The following FREM1 variants were observed in gnomAD, a reference collection of about 807,000 sequenced individuals.
FREM1 encodes the protein FRAS1-related extracellular matrix protein 1.
FREM1 carries 220 observed loss-of-function variants against 210.1 expected under a neutral mutation model. The observed-to-expected ratio is 1.05, with a 90% CI of 0.94 to 1.17. The LOEUF is 1.17. Ranked by LOEUF, FREM1 falls within the 50% of genes most tolerant of loss-of-function variation. The pLI, the probability that FREM1 is intolerant of heterozygous loss-of-function variation, is 0.00. For missense variants in FREM1, 3,454 were observed against 2,675.5 expected (o/e 1.29, Z -6.42); for synonymous variants, 1,189 against 980.2 (o/e 1.21, Z -3.98).
At chr9:14,860,833 ACG>A (rs1564102256) in intron 3 of FREM1, among the ~76,000 whole-genome samples, 7 of 125,142 alleles carry the variant, frequency 5.6e-5, no homozygotes, top group East Asian at 2.7e-4. Context: ...ATACATATAT[ACG>A]TATATATACA....
At chr9:14,746,795 T>G in intron 34 of FREM1, 128 bp downstream of exon 34, 2 of 1,188,900 alleles carry the variant, frequency 1.7e-6, no homozygotes, top group South Asian at 1.7e-5. Flanking sequence ...CCTCTTGGCC[T>G]TCAAGTTGTT....
chr9:14,790,990 ACAAT>A (rs1461262731), intron 22 of FREM1: 10 of 152,242 alleles, frequency 6.6e-5, no homozygotes, highest in African/African-American at 2.4e-4. Flanking sequence ...ACAATCTATG[ACAAT>A]CAAGCTGTTC....
rs917499206 is a variant in FREM1 at position 14,804,746 on chromosome 9, C to T, written c.3471+210G>A. 3.9e-5 allele frequency among the ~76,000 whole-genome samples: 6 copies of T among 152,142 alleles called. No homozygotes were observed. The East Asian group carries it at 1.2e-3, about 29-fold the overall frequency. On this transcript the variant is annotated intron_variant, in intron 19 of 36. Transcript: ENST00000380880. Reference sequence around the variant, plus strand: ...AGATTTTTTTTCTCTCTCATAATTACTGAAGGGCTCTCCAGAGAAATCCAT... The same window carrying T: ...AGATTTTTTTTCTCTCTCATAATTATTGAAGGGCTCTCCAGAGAAATCCAT...
At chr9:14,898,716 T>C (rs1838223264) in intron 1 of FREM1, among the ~76,000 whole-genome samples, 3 of 152,182 alleles carry the variant, frequency 2.0e-5, no homozygotes, top group Admixed American at 2.0e-4. Flanking sequence ...CATTCCAGCC[T>C]GGGCGACAGA....
At position 14,789,130 on chromosome 9, in the gene FREM1, G is replaced by C. The variant is rs1850881984; in HGVS notation, c.3982-16C>G. ...CCCTCCCTATCTGGAAGGAGCCAGA[G>C]TTAGTCAGCTGCTCATGGTTTTTTC... On this transcript the variant is annotated splice_polypyrimidine_tract_variant and intron_variant, in intron 22 of 36. Transcript: ENST00000380880. The C allele has an allele frequency of 1.9e-6, 3 of 1,540,548 alleles. No individual in the cohort carries two copies. Among genetic ancestry groups the C allele is most frequent in the Non-Finnish European group, 2.6e-6 (3 of 1,136,900 alleles).
chr9:14,841,364 T>G, intron 10 of FREM1, 83 bp downstream of exon 10: 2 of 1,165,392 alleles, frequency 1.7e-6, no homozygotes, highest in Non-Finnish European at 2.3e-6. Flanking sequence ...TGAAACCTAT[T>G]TTCATGTGGT....
intron 13 of FREM1, 65 bp from the exon 14 acceptor site, chr9:14,819,507 T>C: frequency 1.1e-6 from 1 of 921,698 alleles, no homozygotes; most frequent in Non-Finnish European, 1.7e-6. Flanking sequence ...ACAGAGCTCA[T>C]TACATCACTG....
Position 14,816,760 on chromosome 9 carries a change from A to T in FREM1, c.2640+18T>A. ...AACAGACTAAGACAATAACCCAGGG[A>T]AGAAACTTTCTACCCACCTCAACAT... is the stretch of plus-strand genomic sequence containing the variant. On this transcript the variant is annotated intron_variant, in intron 15 of 36. Coordinates refer to ENST00000380880, the MANE Select transcript of FREM1 (RefSeq NM_001379081.2). The T allele has an allele frequency of 7.5e-7, 1 of 1,329,432 alleles. No individual in the cohort carries two copies. The highest frequency in any genetic ancestry group is 1.0e-6 in the Non-Finnish European group (1 of 1,002,088). The allele number at this position is 1,329,432 out of a possible 1,614,324, so 82.4% of individuals were successfully genotyped here. A position where few individuals can be genotyped will look rare whatever the true frequency, so the allele number is the denominator to read the frequency against.
At chr9:14,778,822 C>G (rs1293964772) in intron 24 of FREM1, among the ~76,000 whole-genome samples, 1 of 146,404 alleles carries the variant, frequency 6.8e-6, no homozygotes, top group Admixed American at 6.8e-5. Context: ...GTGGGTGGAG[C>G]GCTCGAGCTC....
intron 35 of FREM1, among the ~76,000 whole-genome samples, chr9:14,741,423 T>C (rs1229683786): frequency 2.6e-5 from 4 of 152,230 alleles, no homozygotes; most frequent in African/African-American, 4.8e-5. Flanking sequence ...CTTAGATATA[T>C]AAGGCTCTTT....
intron 23 of FREM1, among the ~76,000 whole-genome samples, 188 bp downstream of exon 23, chr9:14,788,731 C>A (rs776400531): frequency 6.6e-6 from 1 of 152,038 alleles, no homozygotes; most frequent in Admixed American, 6.6e-5. Context: ...CTTCTGTGAA[C>A]CACATAGGTC....
intron 1 of FREM1, among the ~76,000 whole-genome samples, chr9:14,907,327 T>C (rs1817917317): frequency 6.6e-6 from 1 of 152,204 alleles, no homozygotes. Flanking sequence ...AGACAAAATA[T>C]AGTATAGACA....
intron 29 of FREM1, among the ~76,000 whole-genome samples, chr9:14,752,898 T>C (rs1300096279): frequency 6.6e-6 from 1 of 152,194 alleles, no homozygotes; most frequent in Non-Finnish European, 1.5e-5. Flanking sequence ...AGGTTTTTGT[T>C]GGACCTTACG....
rs537517921 is a variant in FREM1, at chr9:14,836,673, C to T, written c.1881+4774G>A. On this transcript the variant is annotated intron_variant, in intron 10 of 36. Coordinates refer to ENST00000380880, the MANE Select transcript of FREM1 (RefSeq NM_001379081.2). This position sits in a 1 kb window ranked among gnomAD's most constrained non-coding sequence, Gnocchi z 4.9. The stretch of plus-strand genomic sequence containing the variant: ...TACTATGACTCAAATTGTTTCTTCT[C>T]GCCTAAAAGCAATCAAACTCCAAAT... Among the ~76,000 whole-genome samples, 26 of 152,254 alleles carry T rather than the reference C, an allele frequency of 1.7e-4. No individual in the cohort carries two copies. The highest frequency in any genetic ancestry group is 3.4e-3 in the Middle Eastern group (1 of 294).
intron 33 of FREM1, 97 bp downstream of exon 33, chr9:14,747,167 C>T (rs1439237135): frequency 1.3e-6 from 2 of 1,562,656 alleles, no homozygotes; most frequent in African/African-American, 1.4e-5. Context: ...GTAAACTATC[C>T]CCCCAACCTT....
In FREM1 at chr9:14,889,642, C is replaced by T. The variant is rs114300322; in HGVS notation, c.-268+20272G>A. Among the ~76,000 whole-genome samples, 1,257 of 152,232 alleles carry T rather than the reference C, an allele frequency of 8.3e-3. 17 individuals carry two copies. Among genetic ancestry groups the T allele is most frequent in the African/African-American group, 0.028 (1,145 of 41,520 alleles). Reference sequence around the variant, plus strand: ...AATATTCCTTTCAGCATTTCCTTCCCAGATCTTCAGGAAGCTGCCAGACTC... The same window carrying T: ...AATATTCCTTTCAGCATTTCCTTCCTAGATCTTCAGGAAGCTGCCAGACTC... On this transcript the variant is annotated intron_variant, in intron 1 of 36. Coordinates refer to ENST00000380880, the MANE Select transcript of FREM1 (RefSeq NM_001379081.2).
At chr9:14,803,692 T>C (rs1208149292) in intron 19 of FREM1, among the ~76,000 whole-genome samples, 1 of 152,002 alleles carries the variant, frequency 6.6e-6, no homozygotes, top group East Asian at 1.9e-4. Context: ...CATTTCACCC[T>C]CTCTTACTGA....
intron 1 of FREM1, among the ~76,000 whole-genome samples, chr9:14,887,836 G>A (rs187964575): frequency 1.2e-4 from 18 of 152,168 alleles, no homozygotes; most frequent in African/African-American, 3.9e-4. Context: ...AGTGATTTAA[G>A]TGACATAATG....
rs777664247 is a variant in FREM1, at chr9:14,857,533, C to T, written c.828+20G>A. 6 of 1,602,188 alleles carry T rather than the reference C, an allele frequency of 3.7e-6. No homozygotes were observed. The African/African-American group carries it at 5.4e-5, about 14-fold the overall frequency. On this transcript the variant is annotated intron_variant, in intron 5 of 36. Transcript: ENST00000380880. ...TTACTGTGAATCCTGGGGGCACCCACACATAACCCCAAACTCTACCTTGTA... is the reference window on the plus strand; with the variant it reads ...TTACTGTGAATCCTGGGGGCACCCATACATAACCCCAAACTCTACCTTGTA...
Sources: allele counts gnomAD v4.1 joint callset (sites outside exome capture counted in the v4.1 genomes callset), GRCh38; gene constraint gnomAD v4.1.1; non-coding constraint Gnocchi (gnomAD v3.1); transcripts MANE v1.5; gene names NCBI Gene and HGNC (gene_info 2026-07-23, HGNC 2026-07-21).